The following MAB21L2 variants were observed in gnomAD, a reference collection of about 807,000 sequenced individuals.
MAB21L2 encodes protein mab-21-like 2.
In MAB21L2, 15 loss-of-function variants were observed where a neutral mutation model predicts 29.8. That is an observed-to-expected ratio of 0.50 (90% CI 0.34 to 0.78). The LOEUF is 0.78. MAB21L2 is among the 30% of genes least tolerant of loss of function. The pLI is 0.01. For missense variants in MAB21L2, 321 were observed against 480.1 expected, an observed-to-expected ratio of 0.67 and a Z score of 3.10; for synonymous variants, 218 against 210.4, an observed-to-expected ratio of 1.04 and a Z score of -0.31.
rs72959811 is a variant in MAB21L2, at chr4:150,582,720, C to T, written c.-310C>T. On this transcript the variant is annotated 5_prime_UTR_variant, in exon 1 of 1. Coordinates refer to ENST00000317605, the MANE Select transcript of MAB21L2 (RefSeq NM_006439.5). ...TTCCTCACGCCCACCCCGCTTCTCT[C>T]GCACACGGTCATCTTTACATATCAA... 0.017 allele frequency: 4,720 copies of T among 274,480 alleles called. 176 individuals carry two copies. The highest frequency in any genetic ancestry group is 0.087 in the African/African-American group (3,987 of 45,878). 17.0% of individuals were successfully genotyped at this position (274,480 alleles called of 1,614,324 possible). A position where few individuals can be genotyped will look rare whatever the true frequency, so the allele number is the denominator to read the frequency against.
Position 150,583,754 on chromosome 4 carries a change from T to C in MAB21L2, c.725T>C (p.Leu242Pro). Residue 242 changes from leucine to proline, a missense_variant, in exon 1 of 1, where the codon CTG becomes CCG. Leu to Pro is a moderately conservative substitution (Grantham distance 98). Transcript: ENST00000317605. This position sits in a 1 kb window ranked among gnomAD's most constrained non-coding sequence, Gnocchi z 9.8. Reference protein sequence around the residue: ...LQFGEAENRLLMGGCRNKCLS... With the variant: ...LQFGEAENRLPMGGCRNKCLS... ...TTCGGGGAGGCGGAGAACCGCCTGC[T>C]GATGGGCGGCTGCCGAAACAAGTGC... 1 of 1,613,888 alleles carries C rather than the reference T, an allele frequency of 6.2e-7. No individual in the cohort carries two copies. Among genetic ancestry groups the C allele is most frequent in the South Asian group, 1.1e-5 (1 of 91,020 alleles).
chr4:150,582,935 C>T lies in MAB21L2; in HGVS notation c.-95C>T. ...GGGCTTAACGGGGAGCGCACCGCCTCTTTCGAAAGCCGCTGGGCCACCACC... is the reference window on the plus strand; with the variant it reads ...GGGCTTAACGGGGAGCGCACCGCCTTTTTCGAAAGCCGCTGGGCCACCACC... On this transcript the variant is annotated 5_prime_UTR_variant, in exon 1 of 1. Transcript: ENST00000317605. The T allele has an allele frequency of 6.8e-7, 1 of 1,461,184 alleles. No homozygotes were observed. The highest frequency in any genetic ancestry group is 9.2e-7 in the Non-Finnish European group (1 of 1,088,306). The allele number at this position is 1,461,184 out of a possible 1,614,324, so 90.5% of individuals were successfully genotyped here. A position where few individuals can be genotyped will look rare whatever the true frequency, so the allele number is the denominator to read the frequency against.
In MAB21L2 at chr4:150,584,184, G is replaced by C; in HGVS notation, c.*75G>C. On this transcript the variant is annotated 3_prime_UTR_variant, in exon 1 of 1. Coordinates refer to ENST00000317605, the MANE Select transcript of MAB21L2 (RefSeq NM_006439.5). ...ACACACAACTCTGCTATAAACAGCA[G>C]AAACTCTGGACACAAACTTTTATGT... 9 of 1,417,742 alleles carry C rather than the reference G, an allele frequency of 6.3e-6. No individual in the cohort carries two copies. The highest frequency in any genetic ancestry group is 8.3e-6 in the Non-Finnish European group (9 of 1,080,294). The allele number at this position is 1,417,742 out of a possible 1,614,324, so 87.8% of individuals were successfully genotyped here. A position where few individuals can be genotyped will look rare whatever the true frequency, so the allele number is the denominator to read the frequency against.
rs1771699484 is a variant in MAB21L2, at chr4:150,583,668, G to A, written c.639G>A (p.Lys213=). 6.2e-7 allele frequency: 1 copy of A among 1,613,990 alleles called. No individual in the cohort carries two copies. Among genetic ancestry groups the A allele is most frequent in the Non-Finnish European group, 8.5e-7 (1 of 1,180,014 alleles). ...CCGAAGGGTTCAACTTGCTCTCGAA[G>A]GAGTGCTACTCGCTGACCGGCAAGC... ...VKAEGFNLLS[K]ECYSLTGKQS... Residue 213 remains lysine, a synonymous_variant, in exon 1 of 1, where the codon AAG becomes AAA. Coordinates refer to ENST00000317605, the MANE Select transcript of MAB21L2 (RefSeq NM_006439.5). This position sits in a 1 kb window ranked among gnomAD's most constrained non-coding sequence, Gnocchi z 9.8.
At position 150,583,562 on chromosome 4, in the gene MAB21L2, G is replaced by A. The variant is rs775848382; in HGVS notation, c.533G>A (p.Gly178Glu). 1 of 1,613,828 alleles carries A rather than the reference G, an allele frequency of 6.2e-7. No individual in the cohort carries two copies. The highest frequency in any genetic ancestry group is 8.5e-7 in the Non-Finnish European group (1 of 1,179,900). Residue 178 changes from glycine to glutamate, a missense_variant, in exon 1 of 1, where the codon GGG (glycine) becomes GAG (glutamate). By Grantham distance (98) the Gly-to-Glu change is moderately conservative (BLOSUM62 -2). Transcript: ENST00000317605. This position sits in a 1 kb window ranked among gnomAD's most constrained non-coding sequence, Gnocchi z 9.8. The part of the protein sequence containing the change: ...VQITPAFKCT[G>E]IWPRSAAQWP... ...ATCACTCCGGCGTTCAAGTGCACCG[G>A]GATCTGGCCTCGCAGCGCGGCACAG...
chr4:150,582,442 T>G lies in MAB21L2; in HGVS notation c.-588T>G, dbSNP rs1771497086. ...GGCGGACTGAGTTGTACTTCGCAGC[T>G]CTCTGGACATTAATTACCTCCTGCA... is the stretch of plus-strand genomic sequence containing the variant. On this transcript the variant is annotated 5_prime_UTR_variant, in exon 1 of 1. Transcript: ENST00000317605. 1 of 152,216 alleles carries G rather than the reference T, an allele frequency of 6.6e-6. No homozygotes were observed. Among genetic ancestry groups the G allele is most frequent in the African/African-American group, 2.4e-5 (1 of 41,218 alleles). The allele number at this position is 152,216 out of a possible 1,614,324, so 9.4% of individuals were successfully genotyped here.
In MAB21L2 at chr4:150,584,283, C is replaced by T. The variant is rs1232316031; in HGVS notation, c.*174C>T. 3.4e-6 allele frequency: 2 copies of T among 586,754 alleles called. No individual in the cohort carries two copies. The highest frequency in any genetic ancestry group is 5.4e-6 in the Non-Finnish European group (2 of 367,544). The allele number at this position is 586,754 out of a possible 1,614,324, so 36.3% of individuals were successfully genotyped here. ...GCAAACAAAAAGAGAGCAACCCAAC[C>T]AAAACAAATCACATTCTTGCACAAA... On this transcript the variant is annotated 3_prime_UTR_variant, in exon 1 of 1. Coordinates refer to ENST00000317605, the MANE Select transcript of MAB21L2 (RefSeq NM_006439.5).
rs750451702 is a variant in MAB21L2 at position 150,583,808 on chromosome 4, G to A, written c.779G>A (p.Arg260His). Residue 260 changes from arginine to histidine, a missense_variant, in exon 1 of 1, where the codon CGC (arginine) becomes CAC (histidine). Coordinates refer to ENST00000317605, the MANE Select transcript of MAB21L2 (RefSeq NM_006439.5). The surrounding 1 kb of genome is among the most constrained non-coding windows in gnomAD (Gnocchi z 9.8). ...CLSVLKTLRD[R>H]HLELPGQPLN... ...TCAGTGCTGAAGACTCTGCGGGACC[G>A]CCACCTGGAGCTACCCGGCCAGCCG... 1 of 1,614,168 alleles carries A rather than the reference G, an allele frequency of 6.2e-7. No individual in the cohort carries two copies. Among genetic ancestry groups the A allele is most frequent in the Non-Finnish European group, 8.5e-7 (1 of 1,180,028 alleles).
chr4:150,583,303 G>A lies in MAB21L2; in HGVS notation c.274G>A (p.Gly92Ser), dbSNP rs758052839. 2 of 1,614,194 alleles carry A rather than the reference G, an allele frequency of 1.2e-6. No homozygotes were observed. The highest frequency in any genetic ancestry group is 8.5e-7 in the Non-Finnish European group (1 of 1,180,034). Residue 92 changes from glycine (G) to serine (S), a missense_variant, in exon 1 of 1, where the codon GGC becomes AGC. Coordinates refer to ENST00000317605, the MANE Select transcript of MAB21L2 (RefSeq NM_006439.5). This position sits in a 1 kb window ranked among gnomAD's most constrained non-coding sequence, Gnocchi z 9.8. ...GGGCGTCTTCAACTTCGTGGACGACGGCTCGCTGCCCGGCTGCGCAGTGCT... is the reference window on the plus strand; with the variant it reads ...GGGCGTCTTCAACTTCGTGGACGACAGCTCGCTGCCCGGCTGCGCAGTGCT... Reference protein sequence around the residue: ...QMGVFNFVDDGSLPGCAVLKL... With the variant: ...QMGVFNFVDDSSLPGCAVLKL...
chr4:150,584,440 T>C lies in MAB21L2; in HGVS notation c.*331T>C. 9.9e-6 allele frequency: 1 copy of C among 100,716 alleles called. No individual in the cohort carries two copies. Among genetic ancestry groups the C allele is most frequent in the East Asian group, 3.7e-4 (1 of 2,730 alleles). 6.2% of individuals were successfully genotyped at this position (100,716 alleles called of 1,614,324 possible). On this transcript the variant is annotated 3_prime_UTR_variant, in exon 1 of 1. Transcript: ENST00000317605. Reference sequence around the variant, plus strand: ...TATAGTAGTTCCCCCCCCTTTTCCTTCTTTCCCCCTATCCTTTTTCTCTCC... The same window carrying C: ...TATAGTAGTTCCCCCCCCTTTTCCTCCTTTCCCCCTATCCTTTTTCTCTCC...
rs1295363748 is a variant in MAB21L2, at chr4:150,584,017, A to G, written c.988A>G (p.Lys330Glu). ...FLPNLDLFQG[K>E]PHSALESAAK... ...GCCCAACCTCGACCTCTTTCAGGGC[A>G]AGCCCCATTCGGCCCTGGAGAGCGC... is the stretch of plus-strand genomic sequence containing the variant. Residue 330 changes from lysine to glutamate, a missense_variant, in exon 1 of 1, where the codon AAG becomes GAG. Transcript: ENST00000317605. 2 of 1,613,968 alleles carry G rather than the reference A, an allele frequency of 1.2e-6. No homozygotes were observed. Among genetic ancestry groups the G allele is most frequent in the Non-Finnish European group, 1.7e-6 (2 of 1,179,916 alleles).
rs1458818279 is a variant in MAB21L2, at chr4:150,582,696, T to A, written c.-334T>A. Reference sequence around the variant, plus strand: ...TGAGTTTTTTCCCTCTCCTTCTCCTTCCTCACGCCCACCCCGCTTCTCTCG... The same window carrying A: ...TGAGTTTTTTCCCTCTCCTTCTCCTACCTCACGCCCACCCCGCTTCTCTCG... On this transcript the variant is annotated 5_prime_UTR_variant, in exon 1 of 1. Coordinates refer to ENST00000317605, the MANE Select transcript of MAB21L2 (RefSeq NM_006439.5). 1 of 232,978 alleles carries A rather than the reference T, an allele frequency of 4.3e-6. No homozygotes were observed. Among genetic ancestry groups the A allele is most frequent in the East Asian group, 8.7e-5 (1 of 11,492 alleles). 14.4% of individuals were successfully genotyped at this position (232,978 alleles called of 1,614,324 possible). A position where few individuals can be genotyped will look rare whatever the true frequency, so the allele number is the denominator to read the frequency against.
rs1771835033 is a variant in MAB21L2, at chr4:150,584,459, T to C, written c.*350T>C. On this transcript the variant is annotated 3_prime_UTR_variant, in exon 1 of 1. Coordinates refer to ENST00000317605, the MANE Select transcript of MAB21L2 (RefSeq NM_006439.5). Reference sequence around the variant, plus strand: ...TTTCCTTCTTTCCCCCTATCCTTTTTCTCTCCACCCCATCCCCCCCCCCAT... The same window carrying C: ...TTTCCTTCTTTCCCCCTATCCTTTTCCTCTCCACCCCATCCCCCCCCCCAT... 1.3e-5 allele frequency: 1 copy of C among 74,966 alleles called. No homozygotes were observed. The highest frequency in any genetic ancestry group is 4.8e-5 in the Non-Finnish European group (1 of 20,736). 4.6% of individuals were successfully genotyped at this position (74,966 alleles called of 1,614,324 possible). A position where few individuals can be genotyped will look rare whatever the true frequency, so the allele number is the denominator to read the frequency against.
chr4:150,583,611 G>A lies in MAB21L2; in HGVS notation c.582G>A (p.Trp194Ter). The A allele has an allele frequency of 6.2e-7, 1 of 1,614,020 alleles. No homozygotes were observed. Among genetic ancestry groups the A allele is most frequent in the Non-Finnish European group, 8.5e-7 (1 of 1,180,024 alleles). ...AGTGGCCTATGCCCCACATCCCTTG[G>A]CCCGGCCCCAATCGGGTGGCCGAGG... ...AAQWPMPHIP[W>*]PGPNRVAEVK... is the part of the protein sequence containing the mutation. Residue 194 changes from tryptophan to a stop codon, truncating the protein, a stop_gained, in exon 1 of 1, where the codon TGG becomes TGA. Transcript: ENST00000317605. LOFTEE classifies it high-confidence loss of function. The surrounding 1 kb of genome is among the most constrained non-coding windows in gnomAD (Gnocchi z 9.8).
At position 150,583,493 on chromosome 4, in the gene MAB21L2, C is replaced by T; in HGVS notation, c.464C>T (p.Thr155Ile). 6.2e-7 allele frequency: 1 copy of T among 1,613,972 alleles called. No homozygotes were observed. The highest frequency in any genetic ancestry group is 8.5e-7 in the Non-Finnish European group (1 of 1,180,036). The change falls in exon 1 of 1, where the codon ACC (threonine) becomes ATC (isoleucine). Residue 155 changes from threonine (T) to isoleucine (I), a missense_variant. Thr to Ile is a moderately conservative substitution (Grantham distance 89). Coordinates refer to ENST00000317605, the MANE Select transcript of MAB21L2 (RefSeq NM_006439.5). The surrounding 1 kb of genome is among the most constrained non-coding windows in gnomAD (Gnocchi z 9.8). ...GATGTGGTCAAGATGATCGCGGACA[C>T]CAGCGAGGTCAAGTTGCGCATCAGG... ...YRDVVKMIADTSEVKLRIRER... is the reference protein window; with the variant it reads ...YRDVVKMIADISEVKLRIRER...
rs750545900 is a variant in MAB21L2, at chr4:150,583,014, G to A, written c.-16G>A. The A allele has an allele frequency of 1.3e-6, 2 of 1,574,262 alleles. No individual in the cohort carries two copies. Among genetic ancestry groups the A allele is most frequent in the African/African-American group, 2.7e-5 (2 of 73,932 alleles). ...ATTGCGAGACGCCGGTGTATAGCCC[G>A]GACCTGTGCCCCAACATGATCGCCG... On this transcript the variant is annotated 5_prime_UTR_variant, in exon 1 of 1. Transcript: ENST00000317605. This position sits in a 1 kb window ranked among gnomAD's most constrained non-coding sequence, Gnocchi z 9.8.
Position 150,584,140 on chromosome 4 carries a change from A to C in MAB21L2, c.*31A>C. ...TGGGGACTGCTTGAAAAGCGACACA[A>C]ACGGGCGTGCTCTCTCAGACACACA... On this transcript the variant is annotated 3_prime_UTR_variant, in exon 1 of 1. Transcript: ENST00000317605. 1 of 1,502,808 alleles carries C rather than the reference A, an allele frequency of 6.7e-7. No homozygotes were observed. Among genetic ancestry groups the C allele is most frequent in the East Asian group, 2.3e-5 (1 of 43,418 alleles). 93.1% of individuals were successfully genotyped at this position (1,502,808 alleles called of 1,614,324 possible). A position where few individuals can be genotyped will look rare whatever the true frequency, so the allele number is the denominator to read the frequency against.
Position 150,583,128 on chromosome 4 carries a change from G to GGTCT in MAB21L2, c.102_105dup (p.Lys36LeufsTer2). On this transcript the variant is annotated frameshift_variant, in exon 1 of 1. Coordinates refer to ENST00000317605, the MANE Select transcript of MAB21L2 (RefSeq NM_006439.5). LOFTEE classifies it high-confidence loss of function. The surrounding 1 kb of genome is among the most constrained non-coding windows in gnomAD (Gnocchi z 9.8). The stretch of plus-strand genomic sequence containing the variant: ...CGGCCATCGCCAAAACCATCCGAGA[G>GGTCT]GTCTGTAAGGTGGTCTCGGACGTGC... The GGTCT allele has an allele frequency of 6.2e-7, 1 of 1,614,210 alleles. No individual in the cohort carries two copies. The highest frequency in any genetic ancestry group is 2.2e-5 in the East Asian group (1 of 44,866).
At position 150,583,622 on chromosome 4, in the gene MAB21L2, A is replaced by T; in HGVS notation, c.593A>T (p.Asn198Ile). 1 of 1,613,966 alleles carries T rather than the reference A, an allele frequency of 6.2e-7. No homozygotes were observed. The highest frequency in any genetic ancestry group is 8.5e-7 in the Non-Finnish European group (1 of 1,180,012). ...CCCCACATCCCTTGGCCCGGCCCCA[A>T]TCGGGTGGCCGAGGTCAAGGCCGAA... ...PMPHIPWPGP[N>I]RVAEVKAEGF... The change falls in exon 1 of 1, where the codon AAT (asparagine) becomes ATT (isoleucine). Residue 198 changes from asparagine (N) to isoleucine (I), a missense_variant. Asn to Ile is a moderately radical substitution (Grantham distance 149, BLOSUM62 -3). Transcript: ENST00000317605. The surrounding 1 kb of genome is among the most constrained non-coding windows in gnomAD (Gnocchi z 9.8).
Sources: allele counts gnomAD v4.1 joint callset, GRCh38; gene constraint gnomAD v4.1.1; non-coding constraint Gnocchi (gnomAD v3.1); transcripts MANE v1.5; gene names NCBI Gene and HGNC (gene_info 2026-07-23, HGNC 2026-07-21).